Variants in USP31 observed in about 807,000 individuals in gnomAD.
USP31 encodes ubiquitin specific peptidase 31.
Under a neutral mutation model 119.4 loss-of-function variants are expected in USP31, and 44 were observed. The ratio of observed to expected loss-of-function variants is 0.37; its 90% CI spans 0.29 to 0.47. The LOEUF is 0.47. Among genes scored for constraint, USP31 ranks in the 20% least tolerant of loss-of-function variants. The pLI is 0.99. For missense variants in USP31, 1,643 were observed against 1,730.2 expected (o/e 0.95, Z 0.89); for synonymous variants, 749 against 705.6 (o/e 1.06, Z -0.97).
At chr16:23,124,759 G>A (rs1437526691) in intron 1 of USP31, among the ~76,000 whole-genome samples, 1 of 152,068 alleles carries the variant, frequency 6.6e-6, no homozygotes, top group East Asian at 1.9e-4. Flanking sequence ...TGTGGTGGTG[G>A]GTGCCCGTAA....
intron 1 of USP31, among the ~76,000 whole-genome samples, chr16:23,145,016 ACT>A (rs1242280156): frequency 1.3e-5 from 2 of 151,526 alleles, no homozygotes; most frequent in Non-Finnish European, 2.9e-5. Context: ...AGTTTCCAAC[ACT>A]CTTCTCCCAG....
chr16:23,112,188 T>C (rs1285145082), intron 1 of USP31, among the ~76,000 whole-genome samples: 2 of 152,192 alleles, frequency 1.3e-5, no homozygotes, highest in African/African-American at 4.8e-5. Flanking sequence ...ACAGGCATGA[T>C]GGGAAGTCTT....
intron 1 of USP31, among the ~76,000 whole-genome samples, chr16:23,124,308 T>C (rs1237042135): frequency 1.3e-5 from 2 of 152,040 alleles, no homozygotes; most frequent in East Asian, 1.9e-4. Context: ...TACAAAATAA[T>C]ATGATCAAGC....
rs544952554 is a variant in USP31, at chr16:23,144,523, A to G, written c.633+4115T>C. On this transcript the variant is annotated intron_variant, in intron 1 of 15. Coordinates refer to ENST00000219689, the MANE Select transcript of USP31 (RefSeq NM_020718.4). ...GAGGCAGAGTCTCACTCTGTCACCC[A>G]GGCTGGAGCGCAGTGACATGATCTC... Among the ~76,000 whole-genome samples, 15 of 151,348 alleles carry G rather than the reference A, an allele frequency of 9.9e-5. No homozygotes were observed. In the East Asian group the frequency reaches 2.7e-3, roughly 27 times the overall value.
At chr16:23,134,742 T>C in intron 1 of USP31, among the ~76,000 whole-genome samples, 1 of 148,448 alleles carries the variant, frequency 6.7e-6, no homozygotes, top group East Asian at 1.9e-4. Context: ...TTTTCAGCTA[T>C]ATAGTAACAA....
rs375026972 is a variant in USP31, at chr16:23,106,215, T to C, written c.951A>G (p.Thr317=). 24 of 1,614,016 alleles carry C rather than the reference T, an allele frequency of 1.5e-5. No individual in the cohort carries two copies. Among genetic ancestry groups the C allele is most frequent in the Non-Finnish European group, 2.0e-5 (24 of 1,180,020 alleles). Residue 317 remains threonine (T), a splice_region_variant and synonymous_variant, in exon 4 of 16, where the codon ACA becomes ACG. Transcript: ENST00000219689. ...CISLPIPLPH[T]RPLYVTVVYQ... ...CATTTTACTAAATCCATTCTTACCT[T>C]GTGTGGGGCAGAGGAATTGGCAAAG... is the stretch of plus-strand genomic sequence containing the variant.
intron 13 of USP31, among the ~76,000 whole-genome samples, chr16:23,076,739 A>T (rs1900591310): frequency 6.6e-6 from 1 of 152,240 alleles, no homozygotes; most frequent in Non-Finnish European, 1.5e-5. Flanking sequence ...CTATGTAACA[A>T]GCCAGTCCAT....
At chr16:23,110,494 G>A (rs1902272911) in intron 1 of USP31, among the ~76,000 whole-genome samples, 1 of 152,170 alleles carries the variant, frequency 6.6e-6, no homozygotes, top group Admixed American at 6.5e-5. Flanking sequence ...CAGAATGGGA[G>A]GAGATCAAAC....
At chr16:23,079,646 T>A in intron 13 of USP31, 1 of 261,820 alleles carries the variant, frequency 3.8e-6, no homozygotes, top group Non-Finnish European at 7.2e-6. Flanking sequence ...AGCAAAACCG[T>A]AAATGGGGAG....
chr16:23,084,803 G>A, intron 11 of USP31, 57 bp downstream of exon 11: 1 of 1,599,718 alleles, frequency 6.3e-7, no homozygotes, highest in Non-Finnish European at 8.5e-7. Flanking sequence ...CTATCACCTT[G>A]CCATGCCCCA....
chr16:23,087,397 G>C lies in USP31; in HGVS notation c.1528-211C>G, dbSNP rs144377252. Among the ~76,000 whole-genome samples, 562 of 152,268 alleles carry C rather than the reference G, an allele frequency of 3.7e-3. 2 individuals carry two copies. Among genetic ancestry groups the C allele is most frequent in the Non-Finnish European group, 3.0e-3 (204 of 68,008 alleles). On this transcript the variant is annotated intron_variant, in intron 8 of 15. Coordinates refer to ENST00000219689, the MANE Select transcript of USP31 (RefSeq NM_020718.4). ...TTTACGTATCAAATATGTTATGCAA[G>C]ACAAGTAACACATTGCCTTTACTAA...
At chr16:23,087,612 A>T in intron 8 of USP31, 112 bp downstream of exon 8, 1 of 973,792 alleles carries the variant, frequency 1.0e-6, no homozygotes, top group Non-Finnish European at 1.5e-6. Context: ...AATGAGGGAT[A>T]AATTCTCAGT....
Position 23,090,696 on chromosome 16 carries a change from G to A in USP31, c.1343C>T (p.Thr448Ile). The A allele has an allele frequency of 6.2e-7, 1 of 1,614,120 alleles. No individual in the cohort carries two copies. The highest frequency in any genetic ancestry group is 8.5e-7 in the Non-Finnish European group (1 of 1,179,992). The change falls in exon 7 of 16, where the codon ACA becomes ATA. Residue 448 changes from threonine (T) to isoleucine (I), a missense_variant. Physicochemically the swap from Thr to Ile is moderately conservative, Grantham distance 89 (BLOSUM62 -1). Around this residue, in one of 5 missense-constraint regions of USP31, gnomAD observed 219 missense variants for 226.4 expected, o/e 0.97. Transcript: ENST00000219689. ...AATCTTGTCGCTGCCTGCTCTTGAT[G>A]TGGGAGAATCCATTTTCCCCTGCTT... ...AAKQGKMDSP[T>I]SRAGSDKIVL... is the part of the protein sequence containing the mutation.
intron 1 of USP31, among the ~76,000 whole-genome samples, chr16:23,141,501 C>T (rs1469871041): frequency 2.6e-5 from 4 of 152,060 alleles, no homozygotes; most frequent in African/African-American, 9.7e-5. Flanking sequence ...CCTCAGCCTC[C>T]GAAGTAGCTG....
intron 1 of USP31, among the ~76,000 whole-genome samples, chr16:23,137,416 A>C (rs1903226256): frequency 6.6e-6 from 1 of 152,160 alleles, no homozygotes; most frequent in African/African-American, 2.4e-5. Context: ...GAATTATATG[A>C]TCTGAAAAAA....
chr16:23,087,489 C>A (rs1179485274), intron 8 of USP31, among the ~76,000 whole-genome samples: 1 of 152,158 alleles, frequency 6.6e-6, no homozygotes, highest in East Asian at 1.9e-4. Context: ...TACAGATAGA[C>A]ATTCTACTAA....
intron 11 of USP31, among the ~76,000 whole-genome samples, 191 bp from the exon 12 acceptor site, chr16:23,082,748 G>C (rs1900888033): frequency 2.6e-5 from 4 of 151,598 alleles, no homozygotes; most frequent in Non-Finnish European, 5.9e-5. Flanking sequence ...ATTCTGGTTT[G>C]TTGAATAGAT....
At position 23,068,153 on chromosome 16, in the gene USP31, A is replaced by T. The variant is rs529217665; in HGVS notation, c.3952T>A (p.Ser1318Thr). The stretch of plus-strand genomic sequence containing the variant: ...CCACCCGGAGACGAGGGAACTCCAG[A>T]GTCTAGTTGGGAAGACTTGGATTTG... ...ARKSKSSQLDSGVPSSPGGRQ... is the reference protein window; with the variant it reads ...ARKSKSSQLDTGVPSSPGGRQ... Residue 1318 changes from serine (S) to threonine (T), a missense_variant, in exon 16 of 16, where the codon TCT becomes ACT. Ser to Thr is a moderately conservative substitution (Grantham distance 58). Transcript: ENST00000219689. 4.3e-6 allele frequency: 7 copies of T among 1,614,206 alleles called. No homozygotes were observed. In the African/African-American group the frequency reaches 9.3e-5, roughly 22 times the overall value.
chr16:23,073,642 C>T (rs2141831251), intron 14 of USP31, 80 bp downstream of exon 14: 1 of 1,499,816 alleles, frequency 6.7e-7, no homozygotes, highest in Middle Eastern at 2.5e-4. Context: ...GTCATGAGAG[C>T]CTCCAGAGAG....
Sources: gnomAD v4.1 joint callset for allele counts (sites outside exome capture counted in the v4.1 genomes callset) on GRCh38, gnomAD v4.1.1 for gene constraint, gnomAD v4.1.1 regional missense constraint, MANE v1.5 for transcripts, NCBI Gene and HGNC (gene_info 2026-07-23, HGNC 2026-07-21) for gene names.